FRY: variants seen among roughly 807,000 people sequenced by gnomAD.
FRY encodes the protein FRY microtubule binding protein.
In FRY, 128 loss-of-function variants were observed where a neutral mutation model predicts 348.4. The ratio of observed to expected loss-of-function variants is 0.37; its 90% CI spans 0.32 to 0.43. FRY has a LOEUF of 0.43. Among genes scored for constraint, FRY ranks in the 20% least tolerant of loss-of-function variants. FRY has a pLI of 1.00. For missense variants in FRY, 2,736 were observed against 3,695.2 expected, an observed-to-expected ratio of 0.74 and a Z score of 6.73; for synonymous variants, 1,370 against 1,374.7, an observed-to-expected ratio of 1.00 and a Z score of 0.08.
In FRY at chr13:32,100,427, A is replaced by G. The variant is rs555292425; in HGVS notation, c.271-1536A>G. Among the ~76,000 whole-genome samples the G allele has an allele frequency of 2.6e-5, 4 of 152,184 alleles. No homozygotes were observed. In the South Asian group the frequency reaches 8.3e-4, roughly 32 times the overall value. ...TCCCAAGATAAATATTAAATTTTTC[A>G]AATAAATTTTACGGTTTTTATTATG... On this transcript the variant is annotated intron_variant, in intron 2 of 60. Coordinates refer to ENST00000542859, the MANE Select transcript of FRY (RefSeq NM_023037.3).
At chr13:32,041,275 ATCT>A (rs1429185309) in intron 1 of FRY, among the ~76,000 whole-genome samples, 2 of 146,354 alleles carry the variant, frequency 1.4e-5, no homozygotes, top group Non-Finnish European at 3.0e-5. Flanking sequence ...CCTAAAATTA[ATCT>A]TCTGCTTTTT....
rs1466694282 is a variant in FRY, at chr13:32,142,845, G to GA, written c.1180-4435dup. On this transcript the variant is annotated intron_variant, in intron 11 of 60. Transcript: ENST00000542859. ...TGAGGACACAAAAATGAACAAATCA[G>GA]AATGCCTGGAACTCACTGTCTGGTA... Among the ~76,000 whole-genome samples, 4 of 152,176 alleles carry GA rather than the reference G, an allele frequency of 2.6e-5. No individual in the cohort carries two copies. The East Asian group carries it at 7.7e-4, about 29-fold the overall frequency.
At chr13:32,157,202 AGAG>A (rs1881166711) in intron 15 of FRY, 68 bp from the exon 16 acceptor site, 2 of 1,427,006 alleles carry the variant, frequency 1.4e-6, no homozygotes, top group Admixed American at 3.4e-5. Flanking sequence ...AAAATATTAT[AGAG>A]GATGAATAAA....
chr13:32,070,387 T>C (rs1193081745), intron 1 of FRY, among the ~76,000 whole-genome samples: 1 of 152,226 alleles, frequency 6.6e-6, no homozygotes, highest in Admixed American at 6.5e-5. Flanking sequence ...TGTTGTTTCC[T>C]GACTTTTTAA....
chr13:32,281,749 AT>A (rs748549919), intron 58 of FRY, among the ~76,000 whole-genome samples: 1 of 152,244 alleles, frequency 6.6e-6, no homozygotes, highest in African/African-American at 2.4e-5. Flanking sequence ...TGGAAGGCAA[AT>A]TATATGCCAC....
At chr13:32,188,491 T>C (rs1425328613) in intron 28 of FRY, among the ~76,000 whole-genome samples, 1 of 152,134 alleles carries the variant, frequency 6.6e-6, no homozygotes, top group Non-Finnish European at 1.5e-5. Flanking sequence ...AGCATTGTCA[T>C]GGTGAAAAAG....
At position 32,155,469 on chromosome 13, in the gene FRY, ATGACAAT is replaced by A. The variant is rs773217211; in HGVS notation, c.1480-21_1480-15del. The stretch of plus-strand genomic sequence containing the variant: ...CAATAATTGGGCCTTTCCTTTTGTC[ATGACAAT>A]ATTGTCTCTTACAGAGAATGAACAT... On this transcript the variant is annotated splice_polypyrimidine_tract_variant and intron_variant, in intron 14 of 60. Coordinates refer to ENST00000542859, the MANE Select transcript of FRY (RefSeq NM_023037.3). 6.3e-6 allele frequency: 10 copies of A among 1,594,434 alleles called. No individual in the cohort carries two copies. The Admixed American group carries it at 1.7e-4, about 27-fold the overall frequency.
rs151237220 is a variant in FRY at position 32,195,211 on chromosome 13, A to G, written c.3746+914A>G. On this transcript the variant is annotated intron_variant, in intron 29 of 60. Coordinates refer to ENST00000542859, the MANE Select transcript of FRY (RefSeq NM_023037.3). ...TTATAAAGATAGTAGATAACATTTC[A>G]TATCTAAAGGTTTCAGCAGTAGAGT... Among the ~76,000 whole-genome samples the G allele has an allele frequency of 2.1e-3, 321 of 152,306 alleles. 2 individuals are homozygous for G. Among genetic ancestry groups the G allele is most frequent in the African/African-American group, 7.5e-3 (311 of 41,588 alleles).
Position 32,147,270 on chromosome 13 carries a change from T to A in FRY, c.1180-12T>A. 1 of 1,513,612 alleles carries A rather than the reference T, an allele frequency of 6.6e-7. No individual in the cohort carries two copies. Among genetic ancestry groups the A allele is most frequent in the Non-Finnish European group, 9.2e-7 (1 of 1,088,422 alleles). 93.8% of individuals were successfully genotyped at this position (1,513,612 alleles called of 1,614,324 possible). ...TTACATCTGCAGTCTTACATCTTGG[T>A]TTCTGTTATAGAACAAAGATCCCAA... On this transcript the variant is annotated splice_polypyrimidine_tract_variant and intron_variant, in intron 11 of 60. Coordinates refer to ENST00000542859, the MANE Select transcript of FRY (RefSeq NM_023037.3).
At chr13:32,247,552 T>C in intron 48 of FRY, 50 bp downstream of exon 48, 1 of 1,383,726 alleles carries the variant, frequency 7.2e-7, no homozygotes. Flanking sequence ...GAATTTGTAG[T>C]AGCAAAGATC....
intron 2 of FRY, among the ~76,000 whole-genome samples, chr13:32,092,435 T>G (rs889308709): frequency 6.6e-6 from 1 of 152,192 alleles, no homozygotes; most frequent in Non-Finnish European, 1.5e-5. Flanking sequence ...GAAGATGTAA[T>G]TCGTGTACAC....
chr13:32,086,002 C>T (rs763889042), intron 2 of FRY: 37 of 518,818 alleles, frequency 7.1e-5, no homozygotes, highest in African/African-American at 6.7e-4. Context: ...TACTTGAGTC[C>T]TACCCAGGTG....
intron 29 of FRY, among the ~76,000 whole-genome samples, chr13:32,198,763 A>G (rs1229340793): frequency 6.6e-6 from 1 of 152,172 alleles, no homozygotes; most frequent in African/African-American, 2.4e-5. Context: ...GTAGTTCCCC[A>G]GTTTTTCATC....
intron 16 of FRY, among the ~76,000 whole-genome samples, chr13:32,158,698 A>G (rs1235346042): frequency 6.6e-6 from 1 of 152,106 alleles, no homozygotes; most frequent in Non-Finnish European, 1.5e-5. Context: ...CGGTCAGACC[A>G]CTTGAGGTCA....
rs751547257 is a variant in FRY, at chr13:32,296,981, G to C, written c.*1521G>C. ...ATTCTATAGTGAGCAGGAAAAAGTAGTAGAGTTGTAATTCTGTCACCAACA... is the reference window on the plus strand; with the variant it reads ...ATTCTATAGTGAGCAGGAAAAAGTACTAGAGTTGTAATTCTGTCACCAACA... On this transcript the variant is annotated 3_prime_UTR_variant, in exon 61 of 61. Transcript: ENST00000542859. 1 of 152,214 alleles carries C rather than the reference G, an allele frequency of 6.6e-6. No homozygotes were observed. The highest frequency in any genetic ancestry group is 6.5e-5 in the Admixed American group (1 of 15,280). 9.4% of individuals were successfully genotyped at this position (152,214 alleles called of 1,614,324 possible).
intron 11 of FRY, among the ~76,000 whole-genome samples, chr13:32,145,531 T>TTG (rs545666974): frequency 7.6e-5 from 6 of 79,014 alleles, no homozygotes; most frequent in East Asian, 1.7e-3. Flanking sequence ...GATTTGTTTT[T>TTG]TTTTTTTTTT....
chr13:32,272,128 A>G (rs1243485678), intron 55 of FRY, among the ~76,000 whole-genome samples: 1 of 152,260 alleles, frequency 6.6e-6, no homozygotes, highest in Non-Finnish European at 1.5e-5. Flanking sequence ...GAAGCAAAAT[A>G]GGCATTACTA....
intron 37 of FRY, 115 bp downstream of exon 37, chr13:32,224,500 G>A: frequency 2.1e-6 from 2 of 932,768 alleles, no homozygotes; most frequent in Non-Finnish European, 3.2e-6. Flanking sequence ...ATCAATCAGT[G>A]GGATCCTGCC....
At position 32,184,685 on chromosome 13, in the gene FRY, G is replaced by A. The variant is rs531646372; in HGVS notation, c.3140G>A (p.Ser1047Asn). 2 of 1,579,604 alleles carry A rather than the reference G, an allele frequency of 1.3e-6. No homozygotes were observed. The highest frequency in any genetic ancestry group is 1.7e-6 in the Non-Finnish European group (2 of 1,148,816). Residue 1047 changes from serine (S) to asparagine (N), a missense_variant, in exon 25 of 61, where the codon AGT becomes AAT. Ser to Asn is a conservative substitution (Grantham distance 46, BLOSUM62 1). Around this residue, in one of 9 missense-constraint regions of FRY, gnomAD observed 449 missense variants for 576.9 expected, o/e 0.78. Coordinates refer to ENST00000542859, the MANE Select transcript of FRY (RefSeq NM_023037.3). ...FELLADAGVI[S>N]DSTNGALERD... ...CTTTTGGCTGATGCTGGTGTAATAA[G>A]TGACAGGTAGGATCAGAATTCTACC...
Sources: allele counts gnomAD v4.1 joint callset (sites outside exome capture counted in the v4.1 genomes callset), GRCh38; gene constraint gnomAD v4.1.1; regional missense constraint gnomAD v4.1.1; transcripts MANE v1.5; gene names NCBI Gene and HGNC (gene_info 2026-07-23, HGNC 2026-07-21).